STK32B: variants seen among roughly 807,000 people sequenced by gnomAD.
STK32B encodes the protein serine/threonine kinase 32B, also known as serine/threonine-protein kinase 32B.
In STK32B, 43 loss-of-function variants were observed where a neutral mutation model predicts 52.6. That is an observed-to-expected ratio of 0.82 (90% CI 0.64 to 1.05). STK32B has a LOEUF of 1.05. Ranked by LOEUF, STK32B falls within the 50% of genes least tolerant of loss-of-function variation. The probability of loss-of-function intolerance (pLI) is 0.00; values close to 1 mark genes in which losing one functional copy is unlikely to be tolerated. For synonymous variants in STK32B, 238 were observed against 204.3 expected (o/e 1.17, Z -1.41); for missense variants, 621 against 534.6 (o/e 1.16, Z -1.59).
chr4:5,042,330 T>C, the STK32B span, among the ~76,000 whole-genome samples: 1 of 152,176 alleles, frequency 6.6e-6, no homozygotes, highest in African/African-American at 2.4e-5. Flanking sequence ...AAGTAGTTGG[T>C]TTATATTTTA....
intron 3 of STK32B, among the ~76,000 whole-genome samples, chr4:5,187,968 T>C (rs1720874920): frequency 6.6e-6 from 1 of 152,184 alleles, no homozygotes; most frequent in South Asian, 2.1e-4. Context: ...GCCTTTCCTC[T>C]TCCTAGGTGT....
At chr4:5,098,126 A>G (rs1324586270) in intron 1 of STK32B, among the ~76,000 whole-genome samples, 1 of 152,266 alleles carries the variant, frequency 6.6e-6, no homozygotes, top group African/African-American at 2.4e-5. Flanking sequence ...CAGGTCTCCA[A>G]TTCAGCCCAA....
intron 3 of STK32B, among the ~76,000 whole-genome samples, chr4:5,216,472 T>C (rs73797131): frequency 6.8e-4 from 103 of 152,194 alleles, no homozygotes; most frequent in African/African-American, 2.4e-3. Context: ...GAATATAAAG[T>C]AGGAGAACTT....
At chr4:5,379,077 G>T (rs1318277565) in intron 4 of STK32B, among the ~76,000 whole-genome samples, 1 of 152,108 alleles carries the variant, frequency 6.6e-6, no homozygotes, top group Admixed American at 6.6e-5. Flanking sequence ...CCAGAATTTA[G>T]CCCTGAATGA....
chr4:5,147,832 A>T (rs552952428), intron 2 of STK32B, among the ~76,000 whole-genome samples: 37 of 151,982 alleles, frequency 2.4e-4, no homozygotes, highest in African/African-American at 8.7e-4. Flanking sequence ...CTTATTAGAG[A>T]ATTTTACATC....
At chr4:5,368,388 A>G (rs200317936) in intron 4 of STK32B, among the ~76,000 whole-genome samples, 306 of 142,492 alleles carry the variant, frequency 2.1e-3, no homozygotes, top group East Asian at 4.9e-3. Flanking sequence ...CCTAATTATA[A>G]ATGATAAGGG....
At chr4:5,211,509 C>T (rs1459714397) in intron 3 of STK32B, among the ~76,000 whole-genome samples, 1 of 130,662 alleles carries the variant, frequency 7.7e-6, no homozygotes, top group Non-Finnish European at 1.7e-5. Flanking sequence ...CTGGAGGTCC[C>T]CAGGAGGACC....
intron 3 of STK32B, among the ~76,000 whole-genome samples, chr4:5,236,034 G>T (rs977560491): frequency 2.0e-5 from 3 of 152,168 alleles, no homozygotes; most frequent in African/African-American, 7.2e-5. Context: ...CAGCCAGGAG[G>T]GGGTGGGTGT....
intron 3 of STK32B, among the ~76,000 whole-genome samples, chr4:5,203,165 T>C (rs919052315): frequency 6.6e-6 from 1 of 152,208 alleles, no homozygotes; most frequent in Non-Finnish European, 1.5e-5. Context: ...TAAAATAATG[T>C]ATAAATAGTG....
At position 5,384,719 on chromosome 4, in the gene STK32B, C is replaced by T. The variant is rs552404445; in HGVS notation, c.435-13488C>T. Among the ~76,000 whole-genome samples the T allele has an allele frequency of 2.2e-4, 34 of 152,076 alleles. No homozygotes were observed. The South Asian group carries it at 5.6e-3, about 25-fold the overall frequency. ...ACCATGGAGTGTGGGCTGGGGAAGT[C>T]GGTGATGACCCTGATGGATAGCAAG... On this transcript the variant is annotated intron_variant, in intron 4 of 11. Transcript: ENST00000282908.
intron 3 of STK32B, among the ~76,000 whole-genome samples, chr4:5,178,750 T>C (rs1720120936): frequency 1.3e-5 from 2 of 152,192 alleles, no homozygotes; most frequent in Admixed American, 1.3e-4. Flanking sequence ...AAGAGTGACC[T>C]TTAATCCAGT....
intron 3 of STK32B, among the ~76,000 whole-genome samples, chr4:5,315,970 G>A (rs1467965587): frequency 6.6e-6 from 1 of 150,388 alleles, no homozygotes. Context: ...CTCCCAAATT[G>A]CTGGGAGTAT....
At chr4:5,387,641 C>T (rs980432394) in intron 4 of STK32B, among the ~76,000 whole-genome samples, 3 of 152,156 alleles carry the variant, frequency 2.0e-5, no homozygotes, top group African/African-American at 4.8e-5. Flanking sequence ...GTCGGTCAAG[C>T]GACTCTGCCC....
chr4:5,188,016 C>T (rs952004746), intron 3 of STK32B, among the ~76,000 whole-genome samples: 9 of 151,812 alleles, frequency 5.9e-5, no homozygotes, highest in East Asian at 1.9e-4. Flanking sequence ...GTGTAGGGCG[C>T]GCCTACAGCT....
intron 2 of STK32B, among the ~76,000 whole-genome samples, chr4:5,144,393 C>T (rs930694487): frequency 6.6e-6 from 1 of 152,196 alleles, no homozygotes; most frequent in East Asian, 1.9e-4. Context: ...TTAAGGCTCT[C>T]TTTCCCCTAC....
At chr4:5,143,256 G>T (rs1716645520) in intron 2 of STK32B, among the ~76,000 whole-genome samples, 1 of 152,150 alleles carries the variant, frequency 6.6e-6, no homozygotes. Flanking sequence ...GGAGAAGGAG[G>T]GTTCTAGAAA....
the STK32B span, among the ~76,000 whole-genome samples, chr4:5,040,388 A>ATTTTTTT: frequency 2.5e-5 from 3 of 118,732 alleles, no homozygotes; most frequent in African/African-American, 3.6e-5. Flanking sequence ...TGGCAGTAGA[A>ATTTTTTT]TTTTTTTTTT....
At chr4:5,300,361 T>A (rs919638677) in intron 3 of STK32B, among the ~76,000 whole-genome samples, 1 of 152,010 alleles carries the variant, frequency 6.6e-6, no homozygotes, top group East Asian at 1.9e-4. Context: ...ATGCCTCCTA[T>A]GAACTGGAAT....
chr4:5,461,618 C>T (rs541586301), intron 9 of STK32B, among the ~76,000 whole-genome samples: 3 of 152,220 alleles, frequency 2.0e-5, no homozygotes, highest in South Asian at 2.1e-4. Context: ...CTGTGAGCAG[C>T]GTTGCATCCC....
Sources: gnomAD v4.1 joint callset for allele counts (sites outside exome capture counted in the v4.1 genomes callset) on GRCh38, gnomAD v4.1.1 for gene constraint, MANE v1.5 for transcripts, NCBI Gene and HGNC (gene_info 2026-07-23, HGNC 2026-07-21) for gene names.